Variants in LRRC8D observed in about 807,000 individuals in gnomAD.
LRRC8D encodes the protein volume-regulated anion channel subunit LRRC8D.
LRRC8D carries 20 observed loss-of-function variants against 55.8 expected under a neutral mutation model. The observed-to-expected ratio is 0.36, with a 90% CI of 0.25 to 0.52. The LOEUF is 0.52. Ranked by LOEUF, LRRC8D falls within the 20% of genes least tolerant of loss-of-function variation. The pLI is 0.93. For missense variants in LRRC8D, 651 were observed against 1,030.8 expected, an observed-to-expected ratio of 0.63 and a Z score of 5.05; for synonymous variants, 352 against 377.0, an observed-to-expected ratio of 0.93 and a Z score of 0.77.
At chr1:89,897,793 G>C (rs1414116050) in intron 2 of LRRC8D, among the ~76,000 whole-genome samples, 1 of 152,170 alleles carries the variant, frequency 6.6e-6, no homozygotes, top group African/African-American at 2.4e-5. Flanking sequence ...GAACTGGTCT[G>C]CCTTAGCCAA....
intron 1 of LRRC8D, among the ~76,000 whole-genome samples, chr1:89,840,413 C>T (rs759713864): frequency 6.6e-5 from 10 of 152,080 alleles, no homozygotes; most frequent in South Asian, 2.1e-4. Context: ...CTTTGGGAGT[C>T]GTACAGAGTG....
intron 1 of LRRC8D, among the ~76,000 whole-genome samples, chr1:89,838,064 A>G (rs2100728590): frequency 6.6e-6 from 1 of 152,284 alleles, no homozygotes; most frequent in South Asian, 2.1e-4. Context: ...TTATTTAAAA[A>G]ACAAGATTGC....
chr1:89,867,569 A>G (rs1014732288), intron 2 of LRRC8D, among the ~76,000 whole-genome samples: 2 of 152,150 alleles, frequency 1.3e-5, no homozygotes, highest in African/African-American at 4.8e-5. Context: ...TGCTGTGAAC[A>G]TTTGTATGCA....
intron 1 of LRRC8D, among the ~76,000 whole-genome samples, chr1:89,822,426 C>T (rs1454461669): frequency 6.6e-6 from 1 of 152,188 alleles, no homozygotes; most frequent in Non-Finnish European, 1.5e-5. Flanking sequence ...TCGCAGATTT[C>T]CTGCTCTTGG....
At chr1:89,822,814 T>TA (rs1242506565) in intron 1 of LRRC8D, among the ~76,000 whole-genome samples, 1 of 152,212 alleles carries the variant, frequency 6.6e-6, no homozygotes, top group East Asian at 1.9e-4. Flanking sequence ...AGTCCAAAAA[T>TA]AGTGACCAAA....
At chr1:89,827,310 A>T (rs374281368) in intron 1 of LRRC8D, among the ~76,000 whole-genome samples, 11 of 149,376 alleles carry the variant, frequency 7.4e-5, no homozygotes, top group Admixed American at 1.4e-4. Context: ...AGATCGCGCC[A>T]TTGCACTCCA....
At chr1:89,844,349 G>C (rs1256342517) in intron 2 of LRRC8D, among the ~76,000 whole-genome samples, 3 of 152,164 alleles carry the variant, frequency 2.0e-5, no homozygotes. Context: ...CTTGGTTTCT[G>C]TTTTGGGAAA....
At chr1:89,899,101 A>G (rs1046400774) in intron 2 of LRRC8D, among the ~76,000 whole-genome samples, 2 of 152,250 alleles carry the variant, frequency 1.3e-5, no homozygotes, top group African/African-American at 4.8e-5. Context: ...CTACAGTTGC[A>G]GAGGAACTTT....
intron 1 of LRRC8D, among the ~76,000 whole-genome samples, chr1:89,842,790 T>G (rs1661167932): frequency 6.6e-6 from 1 of 152,178 alleles, no homozygotes. Flanking sequence ...AATGAATGAA[T>G]GTAATCCCAG....
chr1:89,871,686 A>G (rs1168522909), intron 2 of LRRC8D, among the ~76,000 whole-genome samples: 1 of 152,226 alleles, frequency 6.6e-6, no homozygotes, highest in East Asian at 1.9e-4. Flanking sequence ...TTAATGATAA[A>G]TGTTAATAAA....
At chr1:89,921,843 C>T (rs939585387) in intron 2 of LRRC8D, among the ~76,000 whole-genome samples, 6 of 152,024 alleles carry the variant, frequency 3.9e-5, no homozygotes, top group Non-Finnish European at 8.8e-5. Context: ...TGCACCCGGC[C>T]AACTTTTAAA....
At chr1:89,902,947 T>C (rs1266035701) in intron 2 of LRRC8D, among the ~76,000 whole-genome samples, 1 of 152,236 alleles carries the variant, frequency 6.6e-6, no homozygotes, top group African/African-American at 2.4e-5. Flanking sequence ...TGTCATTGCC[T>C]TTGAAGTTAA....
At chr1:89,822,528 AT>A (rs1185467046) in intron 1 of LRRC8D, among the ~76,000 whole-genome samples, 2 of 152,222 alleles carry the variant, frequency 1.3e-5, no homozygotes, top group Non-Finnish European at 1.5e-5. Context: ...GGCAGCTTTG[AT>A]AGTAAAATTC....
chr1:89,904,190 C>T (rs903014077), intron 2 of LRRC8D, among the ~76,000 whole-genome samples: 1 of 152,234 alleles, frequency 6.6e-6, no homozygotes, highest in South Asian at 2.1e-4. Context: ...CCCAATACTT[C>T]TGTCAAAGTT....
At chr1:89,923,492 T>C (rs776105438) in intron 2 of LRRC8D, among the ~76,000 whole-genome samples, 12 of 152,164 alleles carry the variant, frequency 7.9e-5, no homozygotes, top group African/African-American at 1.2e-4. Context: ...CGTATTGTTA[T>C]GATGGCCATA....
At chr1:89,880,105 G>A (rs1470664895) in intron 2 of LRRC8D, among the ~76,000 whole-genome samples, 1 of 151,370 alleles carries the variant, frequency 6.6e-6, no homozygotes, top group Non-Finnish European at 1.5e-5. Flanking sequence ...ACGACGTTTG[G>A]TACTGTTACC....
intron 2 of LRRC8D, among the ~76,000 whole-genome samples, chr1:89,849,623 G>A (rs907604074): frequency 3.3e-5 from 5 of 151,912 alleles, no homozygotes; most frequent in African/African-American, 9.7e-5. Flanking sequence ...TAGTGAGGCT[G>A]AACATGTCTT....
chr1:89,916,522 A>C (rs964278885), intron 2 of LRRC8D, among the ~76,000 whole-genome samples: 2 of 152,238 alleles, frequency 1.3e-5, no homozygotes, highest in Admixed American at 6.5e-5. Context: ...TTTAATGTCA[A>C]TAATGAATTC....
intron 1 of LRRC8D, among the ~76,000 whole-genome samples, chr1:89,832,054 G>A (rs1660900258): frequency 6.6e-6 from 1 of 152,218 alleles, no homozygotes. Flanking sequence ...ACACTGCCGG[G>A]AGGATATTGT....
Sources: allele counts gnomAD v4.1 joint callset (sites outside exome capture counted in the v4.1 genomes callset), GRCh38; gene constraint gnomAD v4.1.1; transcripts MANE v1.5; gene names NCBI Gene and HGNC (gene_info 2026-07-23, HGNC 2026-07-21).